The following PLCXD3 variants were observed in gnomAD, a reference collection of about 807,000 sequenced individuals.
PLCXD3 encodes the protein phosphatidylinositol specific phospholipase C X domain containing 3.
PLCXD3 carries 19 observed loss-of-function variants against 25.5 expected under a neutral mutation model. That is an observed-to-expected ratio of 0.75 (90% CI 0.52 to 1.09). The LOEUF is 1.09. Among genes scored for constraint, PLCXD3 ranks in the 50% least tolerant of loss-of-function variants. PLCXD3 has a pLI of 0.00. For missense variants in PLCXD3, 411 were observed against 388.1 expected, an observed-to-expected ratio of 1.06 and a Z score of -0.50; for synonymous variants, 174 against 137.6, an observed-to-expected ratio of 1.26 and a Z score of -1.85.
rs74716117 is a variant in PLCXD3 at position 41,346,839 on chromosome 5, C to T, written c.813-33069G>A. ...TCTTGTGGCTCATTTATTTTTATCA[C>T]GGAATAATGTTCCATTGTATAGATT... On this transcript the variant is annotated intron_variant, in intron 2 of 2. Transcript: ENST00000377801. 9.2e-3 allele frequency among the ~76,000 whole-genome samples: 1,404 copies of T among 152,232 alleles called. 15 individuals carry two copies. Among genetic ancestry groups the T allele is most frequent in the African/African-American group, 0.03 (1,266 of 41,528 alleles).
chr5:41,318,915 C>T lies in PLCXD3; in HGVS notation c.813-5145G>A, dbSNP rs144018850. The stretch of plus-strand genomic sequence containing the variant: ...AAAGGGTTGGAAAAAGATTCCACAC[C>T]ACTGGAAACAAGCAAACAAACAAAT... On this transcript the variant is annotated intron_variant, in intron 2 of 2. Transcript: ENST00000377801. Among the ~76,000 whole-genome samples the T allele has an allele frequency of 3.7e-4, 56 of 152,018 alleles. No homozygotes were observed. In the East Asian group the frequency reaches 6.9e-3, roughly 19 times the overall value.
chr5:41,420,296 A>G (rs1221876938), intron 1 of PLCXD3, among the ~76,000 whole-genome samples: 3 of 152,174 alleles, frequency 2.0e-5, no homozygotes, highest in African/African-American at 4.8e-5. Context: ...CTTATTTGAG[A>G]TGAATATATT....
intron 2 of PLCXD3, among the ~76,000 whole-genome samples, chr5:41,364,625 G>T (rs1328511463): frequency 6.6e-6 from 1 of 152,142 alleles, no homozygotes; most frequent in African/African-American, 2.4e-5. Context: ...GCTGGGGCAA[G>T]AACATCTGGG....
chr5:41,437,285 G>A (rs1201373417), intron 1 of PLCXD3, among the ~76,000 whole-genome samples: 1 of 152,212 alleles, frequency 6.6e-6, no homozygotes, highest in Non-Finnish European at 1.5e-5. Flanking sequence ...ATGGATTTGA[G>A]AAAAATGATG....
rs1743170363 is a variant in PLCXD3, at chr5:41,312,713, C to CTTCCTTCCTTCCTTCCTTCT, written c.*903_*904insAGAAGGAAGGAAGGAAGGAA. 6.8e-6 allele frequency: 1 copy of CTTCCTTCCTTCCTTCCTTCT among 146,110 alleles called. No homozygotes were observed. The highest frequency in any genetic ancestry group is 2.2e-4 in the South Asian group (1 of 4,550). 9.1% of individuals were successfully genotyped at this position (146,110 alleles called of 1,614,324 possible). A position where few individuals can be genotyped will look rare whatever the true frequency, so the allele number is the denominator to read the frequency against. On this transcript the variant is annotated 3_prime_UTR_variant, in exon 3 of 3. Coordinates refer to ENST00000377801, the MANE Select transcript of PLCXD3 (RefSeq NM_001005473.3). ...CCTTCCTTCCTTCCTTCCTTCCTTC[C>CTTCCTTCCTTCCTTCCTTCT]TTCCTTCCTTCCTTCCTTCCTTCTG... is the stretch of plus-strand genomic sequence containing the variant.
intron 1 of PLCXD3, among the ~76,000 whole-genome samples, chr5:41,444,067 G>T (rs993187783): frequency 2.7e-4 from 41 of 151,920 alleles, no homozygotes; most frequent in African/African-American, 9.4e-4. Context: ...CTCACCTCTA[G>T]GCCAGTATCT....
intron 1 of PLCXD3, among the ~76,000 whole-genome samples, chr5:41,487,447 T>C (rs1296142384): frequency 6.6e-6 from 1 of 152,186 alleles, no homozygotes; most frequent in Non-Finnish European, 1.5e-5. Flanking sequence ...AGGCAACAAA[T>C]ATTAATTGGA....
chr5:41,489,520 C>A (rs993838068), intron 1 of PLCXD3, among the ~76,000 whole-genome samples: 1 of 152,140 alleles, frequency 6.6e-6, no homozygotes, highest in Non-Finnish European at 1.5e-5. Context: ...TTACCTTGGG[C>A]AGTATGGCAA....
chr5:41,345,918 C>T (rs914623536), intron 2 of PLCXD3, among the ~76,000 whole-genome samples: 3 of 150,422 alleles, frequency 2.0e-5, no homozygotes, highest in Admixed American at 1.3e-4. Context: ...CTCACTCTGT[C>T]GCCTGGGCTG....
intron 1 of PLCXD3, among the ~76,000 whole-genome samples, chr5:41,425,177 C>T (rs1045950395): frequency 2.0e-5 from 3 of 152,060 alleles, no homozygotes; most frequent in Admixed American, 1.3e-4. Flanking sequence ...ATTAATATAA[C>T]CACACCAAAT....
chr5:41,499,591 T>A (rs146235162), intron 1 of PLCXD3, among the ~76,000 whole-genome samples: 14 of 151,948 alleles, frequency 9.2e-5, no homozygotes, highest in African/African-American at 3.1e-4. Flanking sequence ...ATAGATTCAA[T>A]GCAATCTTTA....
rs751131624 is a variant in PLCXD3 at position 41,440,249 on chromosome 5, T to TTTTTTTTTTTTTG, written c.104-57716_104-57715insCAAAAAAAAAAAA. Reference sequence around the variant, plus strand: ...TTTTTTTTTTTTTTTTTTTTTTTTTTTTAGTCAGAGTCTCACTGTGTCACC... The same window carrying TTTTTTTTTTTTTG: ...TTTTTTTTTTTTTTTTTTTTTTTTTTTTTTTTTTTTTTGTTAGTCAGAGTCTCACTGTGTCACC... On this transcript the variant is annotated intron_variant, in intron 1 of 2. Coordinates refer to ENST00000377801, the MANE Select transcript of PLCXD3 (RefSeq NM_001005473.3). Among the ~76,000 whole-genome samples the TTTTTTTTTTTTTG allele has an allele frequency of 8.6e-3, 859 of 100,302 alleles. 85 individuals are homozygous for TTTTTTTTTTTTTG. Among genetic ancestry groups the TTTTTTTTTTTTTG allele is most frequent in the Non-Finnish European group, 0.014 (687 of 49,554 alleles). 65.8% of individuals were successfully genotyped at this position (100,302 alleles called of 152,430 possible).
rs529667679 is a variant in PLCXD3, at chr5:41,356,127, G to A, written c.812+25699C>T. 2.0e-4 allele frequency among the ~76,000 whole-genome samples: 30 copies of A among 152,214 alleles called. No individual in the cohort carries two copies. The East Asian group carries it at 4.1e-3, about 21-fold the overall frequency. On this transcript the variant is annotated intron_variant, in intron 2 of 2. Coordinates refer to ENST00000377801, the MANE Select transcript of PLCXD3 (RefSeq NM_001005473.3). ...TAAAAATGCAAAAAATTAGCCAGGC[G>A]TGGTGGCAGGCGCCTGTACTCCCAG...
intron 2 of PLCXD3, among the ~76,000 whole-genome samples, chr5:41,359,113 G>C (rs1174571661): frequency 6.6e-6 from 1 of 152,152 alleles, no homozygotes; most frequent in Non-Finnish European, 1.5e-5. Flanking sequence ...GTTGGATTCG[G>C]TTTGCTAGTA....
At chr5:41,505,573 C>A (rs7709197) in intron 1 of PLCXD3, among the ~76,000 whole-genome samples, 1,729 of 152,182 alleles carry the variant, frequency 0.011, 29 homozygotes, top group African/African-American at 0.039. Flanking sequence ...TCCTGTGCAC[C>A]ACAAAGAGTG....
rs1053705493 is a variant in PLCXD3, at chr5:41,310,148, C to T, written c.*3469G>A. ...GGCTGAAAGTCAATATTGAGGTCAT[C>T]ATATAGAATATCCTAAGGCTTTTAA... On this transcript the variant is annotated 3_prime_UTR_variant, in exon 3 of 3. Coordinates refer to ENST00000377801, the MANE Select transcript of PLCXD3 (RefSeq NM_001005473.3). The T allele has an allele frequency of 2.0e-5, 3 of 152,090 alleles. No homozygotes were observed. Among genetic ancestry groups the T allele is most frequent in the Non-Finnish European group, 4.4e-5 (3 of 68,000 alleles). The allele number at this position is 152,090 out of a possible 1,614,324, so 9.4% of individuals were successfully genotyped here.
At chr5:41,498,494 C>T (rs566172213) in intron 1 of PLCXD3, among the ~76,000 whole-genome samples, 3 of 151,562 alleles carry the variant, frequency 2.0e-5, no homozygotes, top group Non-Finnish European at 4.4e-5. Context: ...GTGAACAACC[C>T]TATAATAGTA....
intron 2 of PLCXD3, among the ~76,000 whole-genome samples, chr5:41,356,622 C>T (rs1744624179): frequency 6.6e-6 from 1 of 152,158 alleles, no homozygotes; most frequent in South Asian, 2.1e-4. Flanking sequence ...AAAACGGCCC[C>T]TTATTTTAAT....
At chr5:41,408,172 A>G (rs970807432) in intron 1 of PLCXD3, among the ~76,000 whole-genome samples, 1 of 152,208 alleles carries the variant, frequency 6.6e-6, no homozygotes. Context: ...TCTCTTTCTC[A>G]TATGAATTTA....
Sources: allele counts gnomAD v4.1 joint callset (sites outside exome capture counted in the v4.1 genomes callset), GRCh38; gene constraint gnomAD v4.1.1; transcripts MANE v1.5; gene names NCBI Gene and HGNC (gene_info 2026-07-23, HGNC 2026-07-21).